Variants in PCDHGB2 observed in about 807,000 individuals in gnomAD.
The protein encoded by PCDHGB2 is protocadherin gamma subfamily B, 2.
Under a neutral mutation model 59.3 loss-of-function variants are expected in PCDHGB2, and 55 were observed. That is an observed-to-expected ratio of 0.93 (90% CI 0.75 to 1.16). The LOEUF is 1.16. PCDHGB2 is among the 50% of genes most tolerant of loss of function. PCDHGB2 has a pLI of 0.00. For missense variants in PCDHGB2, 1,228 were observed against 1,198.5 expected, an observed-to-expected ratio of 1.02 and a Z score of -0.36; for synonymous variants, 516 against 512.0, an observed-to-expected ratio of 1.01 and a Z score of -0.11.
chr5:141,377,445 A>T (rs1442230734), intron 1 of PCDHGB2: 1 of 152,050 alleles, frequency 6.6e-6, no homozygotes, highest in Admixed American at 6.6e-5. Flanking sequence ...AAAAGAAAAA[A>T]AAGTAGCCAG....
Position 141,424,000 on chromosome 5 carries a change from A to G in PCDHGB2, c.2421+61444A>G, listed in dbSNP as rs2096794510. On this transcript the variant is annotated intron_variant, in intron 1 of 3. Coordinates refer to ENST00000522605, the MANE Select transcript of PCDHGB2 (RefSeq NM_018923.3). ...ATGAGGCTCTCAATTTATTATATAT[A>G]GATACAAATTAATGATTCACAAACA... 5 of 1,076,368 alleles carry G rather than the reference A, an allele frequency of 4.6e-6. No homozygotes were observed. In the South Asian group the frequency reaches 1.4e-4, roughly 30 times the overall value. 66.7% of individuals were successfully genotyped at this position (1,076,368 alleles called of 1,614,324 possible).
rs753473913 is a variant in PCDHGB2 at position 141,503,323 on chromosome 5, G to A, written c.2481-2070G>A. On this transcript the variant is annotated intron_variant, in intron 2 of 3. Transcript: ENST00000522605. The stretch of plus-strand genomic sequence containing the variant: ...CTCAAGAAAGAATTGTTGGAGGGGC[G>A]CGGTGGCTCACGCCTGTAATTCCAG... Among the ~76,000 whole-genome samples the A allele has an allele frequency of 2.0e-5, 3 of 152,214 alleles. No individual in the cohort carries two copies. In the Middle Eastern group the frequency reaches 0.01, roughly 518 times the overall value.
chr5:141,390,000 A>G, intron 1 of PCDHGB2: 2 of 1,613,856 alleles, frequency 1.2e-6, no homozygotes, highest in Non-Finnish European at 1.7e-6. Flanking sequence ...CGTGGCCATG[A>G]TTCTGGCCAT....
At position 141,389,700 on chromosome 5, in the gene PCDHGB2, G is replaced by A. The variant is rs534784537; in HGVS notation, c.2421+27144G>A. On this transcript the variant is annotated intron_variant, in intron 1 of 3. Coordinates refer to ENST00000522605, the MANE Select transcript of PCDHGB2 (RefSeq NM_018923.3). ...ACACAACGCCTGGCTGTCCTACCAC[G>A]TGCTGCAGGCTAGCGAGCCCGGGCT... 11 of 1,612,578 alleles carry A rather than the reference G, an allele frequency of 6.8e-6. No homozygotes were observed. The South Asian group carries it at 1.1e-4, about 16-fold the overall frequency.
At chr5:141,383,570 G>T in intron 1 of PCDHGB2, 2 of 1,613,234 alleles carry the variant, frequency 1.2e-6, no homozygotes, top group Non-Finnish European at 1.7e-6. Context: ...CCCCGATCCA[G>T]CACCGCCCAC....
intron 1 of PCDHGB2, among the ~76,000 whole-genome samples, chr5:141,445,668 G>C (rs899062385): frequency 6.6e-6 from 1 of 152,156 alleles, no homozygotes; most frequent in Non-Finnish European, 1.5e-5. Flanking sequence ...ATGAGTAGAA[G>C]TTATCTAGGT....
rs377333161 is a variant in PCDHGB2 at position 141,360,236 on chromosome 5, G to T, written c.101G>T (p.Arg34Leu). 3.7e-6 allele frequency: 6 copies of T among 1,613,850 alleles called. No individual in the cohort carries two copies. Among genetic ancestry groups the T allele is most frequent in the Non-Finnish European group, 5.1e-6 (6 of 1,179,826 alleles). The part of the protein sequence containing the change: ...LFPGALPVQI[R>L]YSIPEELAKN... ...CCCGGGGCTCTCCCAGTCCAGATCC[G>T]CTATTCAATTCCAGAGGAGCTGGCC... The change falls in exon 1 of 4, where the codon CGC (arginine) becomes CTC (leucine). Residue 34 changes from arginine to leucine, a missense_variant. Physicochemically the swap from Arg to Leu is moderately radical, Grantham distance 102. Transcript: ENST00000522605.
intron 1 of PCDHGB2, chr5:141,428,361 C>T (rs1285334430): frequency 9.0e-6 from 5 of 556,646 alleles, no homozygotes; most frequent in South Asian, 7.5e-5. Context: ...TTTTGGCGGT[C>T]GCCTTGCACC....
At chr5:141,500,866 A>G (rs576713520) in intron 2 of PCDHGB2, among the ~76,000 whole-genome samples, 19 of 146,112 alleles carry the variant, frequency 1.3e-4, no homozygotes, top group South Asian at 4.3e-4. Context: ...AAACATACAC[A>G]TTCATTTACA....
rs753258464 is a variant in PCDHGB2, at chr5:141,388,966, G to T, written c.2421+26410G>T. ...CTAATTATGGAGGACGCCGAGCTGG[G>T]AACACATATTGCTTTGCTCAAAGTC... On this transcript the variant is annotated intron_variant, in intron 1 of 3. Coordinates refer to ENST00000522605, the MANE Select transcript of PCDHGB2 (RefSeq NM_018923.3). 15 of 1,613,896 alleles carry T rather than the reference G, an allele frequency of 9.3e-6. No homozygotes were observed. In the Admixed American group the frequency reaches 2.3e-4, roughly 25 times the overall value.
intron 1 of PCDHGB2, among the ~76,000 whole-genome samples, chr5:141,401,937 T>A (rs531669581): frequency 2.6e-5 from 4 of 152,356 alleles, no homozygotes; most frequent in African/African-American, 7.2e-5. Flanking sequence ...TAGAATAATG[T>A]TTAAGACCAC....
intron 1 of PCDHGB2, chr5:141,372,762 A>G (rs1769049237): frequency 6.2e-7 from 1 of 1,612,570 alleles, no homozygotes; most frequent in South Asian, 1.1e-5. Flanking sequence ...TTGGTTTGAA[A>G]GTAATGACAA....
Position 141,432,110 on chromosome 5 carries a change from G to T in PCDHGB2, c.2422-62697G>T, listed in dbSNP as rs768038692. The T allele has an allele frequency of 6.2e-7, 1 of 1,614,108 alleles. No homozygotes were observed. Among genetic ancestry groups the T allele is most frequent in the Non-Finnish European group, 8.5e-7 (1 of 1,180,036 alleles). ...GGCAGACACCAACGACAACCCGCCG[G>T]TCTTCCCTCAGGCCTCCTATTCCGC... On this transcript the variant is annotated intron_variant, in intron 1 of 3. Coordinates refer to ENST00000522605, the MANE Select transcript of PCDHGB2 (RefSeq NM_018923.3). The surrounding 1 kb of genome is among the most constrained non-coding windows in gnomAD (Gnocchi z 6.0).
At chr5:141,500,809 A>G (rs1018522111) in intron 2 of PCDHGB2, among the ~76,000 whole-genome samples, 1 of 152,324 alleles carries the variant, frequency 6.6e-6, no homozygotes, top group African/African-American at 2.4e-5. Context: ...CCTCATATGA[A>G]TATACATATT....
At chr5:141,427,901 G>C (rs2097088177) in intron 1 of PCDHGB2, 6 of 1,572,234 alleles carry the variant, frequency 3.8e-6, no homozygotes, top group East Asian at 2.2e-5. Flanking sequence ...GCTCGCCCGC[G>C]CTCAGCGCCA....
At chr5:141,366,562 T>C (rs767375100) in intron 1 of PCDHGB2, 21 of 1,614,112 alleles carry the variant, frequency 1.3e-5, no homozygotes, top group Non-Finnish European at 1.7e-5. Flanking sequence ...TGGGCGTGGA[T>C]GGGGTTCGGG....
chr5:141,437,000 G>A (rs1197061999), intron 1 of PCDHGB2, among the ~76,000 whole-genome samples: 1 of 152,198 alleles, frequency 6.6e-6, no homozygotes, highest in Non-Finnish European at 1.5e-5. Flanking sequence ...TTACTTCAAT[G>A]GGATCTTAGA....
At chr5:141,426,507 C>G in intron 1 of PCDHGB2, 1 of 342,512 alleles carries the variant, frequency 2.9e-6, no homozygotes, top group Non-Finnish European at 5.8e-6. Context: ...AGAAACAATA[C>G]TTTACCGTGA....
chr5:141,408,985 G>A, intron 1 of PCDHGB2: 1 of 1,613,966 alleles, frequency 6.2e-7, no homozygotes, highest in South Asian at 1.1e-5. Context: ...GGTCCCCTGT[G>A]TTGCAAGTGA....
Sources: gnomAD v4.1 joint callset for allele counts (sites outside exome capture counted in the v4.1 genomes callset) on GRCh38, gnomAD v4.1.1 for gene constraint, Gnocchi (gnomAD v3.1) non-coding constraint, MANE v1.5 for transcripts, NCBI Gene and HGNC (gene_info 2026-07-23, HGNC 2026-07-21) for gene names.